FOXK2: variants seen among roughly 807,000 people sequenced by gnomAD.
FOXK2 encodes the protein forkhead box K2.
FOXK2 carries 24 observed loss-of-function variants against 53.3 expected under a neutral mutation model. The observed-to-expected ratio is 0.45, with a 90% CI of 0.33 to 0.63. FOXK2 has a LOEUF of 0.63. Ranked by LOEUF, FOXK2 falls within the 30% of genes least tolerant of loss-of-function variation. The pLI, the probability that FOXK2 is intolerant of heterozygous loss-of-function variation, is 0.03. For synonymous variants in FOXK2, 505 were observed against 407.1 expected (o/e 1.24, Z -2.89); for missense variants, 952 against 910.5 (o/e 1.05, Z -0.59).
rs144070348 is a variant in FOXK2, at chr17:82,527,785, C to T, written c.419+7478C>T. Among the ~76,000 whole-genome samples, 4 of 152,206 alleles carry T rather than the reference C, an allele frequency of 2.6e-5. No individual in the cohort carries two copies. The East Asian group carries it at 5.8e-4, about 22-fold the overall frequency. ...CTCACCTTAGTGTTTAGTACTTCTTCCAGTGGTAAAACTCTGTGTTCCTTT... is the reference window on the plus strand; with the variant it reads ...CTCACCTTAGTGTTTAGTACTTCTTTCAGTGGTAAAACTCTGTGTTCCTTT... On this transcript the variant is annotated intron_variant, in intron 1 of 8. Transcript: ENST00000335255.
intron 6 of FOXK2, among the ~76,000 whole-genome samples, chr17:82,584,544 A>G (rs2045108762): frequency 9.3e-6 from 1 of 107,642 alleles, no homozygotes; most frequent in Non-Finnish European, 1.8e-5. Flanking sequence ...AAGCAAAAAC[A>G]TGTCCTTTTT....
chr17:82,576,586 C>A lies in FOXK2; in HGVS notation c.909+4716C>A, dbSNP rs2044988989. ...TTGGGCTGGTGACATCCAGAATGTT[C>A]CAATTCATTGGCTGGAGGGAGGACC... On this transcript the variant is annotated intron_variant, in intron 4 of 8. Transcript: ENST00000335255. 7 of 878,368 alleles carry A rather than the reference C, an allele frequency of 8.0e-6. No homozygotes were observed. The South Asian group carries it at 9.9e-5, about 12-fold the overall frequency. The allele number at this position is 878,368 out of a possible 1,614,324, so 54.4% of individuals were successfully genotyped here.
intron 8 of FOXK2, chr17:82,596,298 C>A: frequency 2.5e-6 from 2 of 784,666 alleles, no homozygotes; most frequent in South Asian, 5.7e-5. Context: ...CGTTCCTTGC[C>A]CAGATTCTTG....
intron 1 of FOXK2, among the ~76,000 whole-genome samples, chr17:82,539,816 A>G (rs2144069835): frequency 6.7e-6 from 1 of 149,930 alleles, no homozygotes; most frequent in South Asian, 2.1e-4. Context: ...AATACAAAAA[A>G]TTAGCTGGGC....
rs906438782 is a variant in FOXK2, at chr17:82,572,519, C to T, written c.909+649C>T. Among the ~76,000 whole-genome samples the T allele has an allele frequency of 9.3e-5, 14 of 150,396 alleles. No individual in the cohort carries two copies. The South Asian group carries it at 1.0e-3, about 11-fold the overall frequency. ...TTTTTTTTTTTTTGAGTCAGAGTCT[C>T]GCTCTGTTATGCCAATAATTTTAAC... On this transcript the variant is annotated intron_variant, in intron 4 of 8. Transcript: ENST00000335255.
chr17:82,559,400 A>G (rs1277120714), intron 1 of FOXK2: 1 of 456,348 alleles, frequency 2.2e-6, no homozygotes, highest in East Asian at 6.9e-5. Flanking sequence ...TGGCGGAGCC[A>G]CTTGGCATCC....
chr17:82,520,699 T>C (rs948314100), intron 1 of FOXK2, among the ~76,000 whole-genome samples: 4 of 152,148 alleles, frequency 2.6e-5, no homozygotes, highest in Non-Finnish European at 5.9e-5. Flanking sequence ...TGCCCCGAAC[T>C]AAAATCTATG....
intron 1 of FOXK2, among the ~76,000 whole-genome samples, chr17:82,547,870 A>T (rs991318055): frequency 1.3e-5 from 2 of 152,200 alleles, no homozygotes; most frequent in African/African-American, 4.8e-5. Context: ...TAAACATGGA[A>T]TCATGTAGAA....
At chr17:82,550,007 A>C (rs1286620966) in intron 1 of FOXK2, among the ~76,000 whole-genome samples, 1 of 152,164 alleles carries the variant, frequency 6.6e-6, no homozygotes, top group African/African-American at 2.4e-5. Flanking sequence ...ATTTGAGACC[A>C]GCTTCAGAAA....
chr17:82,567,610 A>G (rs2044866037), intron 2 of FOXK2, among the ~76,000 whole-genome samples: 1 of 150,994 alleles, frequency 6.6e-6, no homozygotes, highest in Non-Finnish European at 1.5e-5. Flanking sequence ...TGGCTGGCAG[A>G]CCCCTCCCCT....
chr17:82,589,220 C>T (rs1357963658), intron 8 of FOXK2, among the ~76,000 whole-genome samples: 2 of 152,148 alleles, frequency 1.3e-5, no homozygotes, highest in African/African-American at 2.4e-5. Context: ...ACTCCAAATA[C>T]AGACATCATG....
intron 1 of FOXK2, among the ~76,000 whole-genome samples, chr17:82,524,879 G>T (rs1333995634): frequency 2.6e-5 from 4 of 152,140 alleles, no homozygotes; most frequent in Non-Finnish European, 5.9e-5. Context: ...GGCTGGAAGA[G>T]ACTTTGGAGC....
At chr17:82,596,160 C>A (rs2045308214) in intron 8 of FOXK2, 2 of 1,023,848 alleles carry the variant, frequency 2.0e-6, no homozygotes, top group Non-Finnish European at 2.3e-6. Flanking sequence ...CTGAGGTGGT[C>A]ACGGGGTTTG....
Position 82,519,961 on chromosome 17 carries a change from GCCGGGGGCGGCGGGT to G in FOXK2, c.76_90del (p.Gly26_Ser30del), listed in dbSNP as rs772283050. 2 of 975,444 alleles carry G rather than the reference GCCGGGGGCGGCGGGT, an allele frequency of 2.1e-6. No homozygotes were observed. Among genetic ancestry groups the G allele is most frequent in the Admixed American group, 5.5e-5 (1 of 18,090 alleles). 60.4% of individuals were successfully genotyped at this position (975,444 alleles called of 1,614,324 possible). On this transcript the variant is annotated inframe_deletion, in exon 1 of 9. Coordinates refer to ENST00000335255, the MANE Select transcript of FOXK2 (RefSeq NM_004514.4). ...GGGCGGCGGGGCCGGGGGCGGCGGG[GCCGGGGGCGGCGGGT>G]CCCCGCCGGGCGGCTGGGCCGTGGC... is the stretch of plus-strand genomic sequence containing the variant.
chr17:82,548,681 T>C (rs1022299784), intron 1 of FOXK2, among the ~76,000 whole-genome samples: 2 of 152,164 alleles, frequency 1.3e-5, no homozygotes, highest in Non-Finnish European at 2.9e-5. Flanking sequence ...AGGCTACTGC[T>C]CAGCTGAATT....
chr17:82,596,793 A>T (rs184855488), intron 8 of FOXK2, among the ~76,000 whole-genome samples: 1 of 152,116 alleles, frequency 6.6e-6, no homozygotes, highest in East Asian at 1.9e-4. Flanking sequence ...ATCTCTGCCG[A>T]TCTCCTTGAT....
chr17:82,530,266 G>A (rs907703508), intron 1 of FOXK2, among the ~76,000 whole-genome samples: 6 of 151,952 alleles, frequency 3.9e-5, no homozygotes, highest in Non-Finnish European at 8.8e-5. Flanking sequence ...TGAGGCAGGC[G>A]GATCTCCTGA....
chr17:82,557,267 G>A (rs955269515), intron 1 of FOXK2, among the ~76,000 whole-genome samples: 5 of 151,268 alleles, frequency 3.3e-5, no homozygotes, highest in Non-Finnish European at 7.4e-5. Context: ...CCTGACCTCA[G>A]GTGATCCTTC....
At chr17:82,601,087 C>T in intron 8 of FOXK2, 1 of 504,898 alleles carries the variant, frequency 2.0e-6, no homozygotes, top group East Asian at 3.0e-5. Context: ...TCCCAAGGGC[C>T]CAGCCCAGGC....
Sources: gnomAD v4.1 joint callset for allele counts (sites outside exome capture counted in the v4.1 genomes callset) on GRCh38, gnomAD v4.1.1 for gene constraint, MANE v1.5 for transcripts, NCBI Gene and HGNC (gene_info 2026-07-23, HGNC 2026-07-21) for gene names.